The following CD163 variants were observed in gnomAD, a reference collection of about 807,000 sequenced individuals.
CD163 encodes the protein scavenger receptor cysteine-rich type 1 protein M130.
In CD163, 64 loss-of-function variants were observed where a neutral mutation model predicts 129.2. The ratio of observed to expected loss-of-function variants is 0.50; its 90% CI spans 0.41 to 0.61. CD163 has a LOEUF of 0.61. Among genes scored for constraint, CD163 ranks in the 20% least tolerant of loss-of-function variants. The probability of loss-of-function intolerance (pLI) is 0.00; values close to 1 mark genes in which losing one functional copy is unlikely to be tolerated. For synonymous variants in CD163, 446 were observed against 478.5 expected (o/e 0.93, Z 0.89); for missense variants, 1,061 against 1,377.9 (o/e 0.77, Z 3.64).
Position 7,482,748 on chromosome 12 carries a change from G to T in CD163, c.3142C>A (p.Gln1048Lys), listed in dbSNP as rs754235222. Residue 1048 changes from glutamine to lysine, a missense_variant, in exon 14 of 17, where the codon CAG becomes AAG. By Grantham distance (53) the Gln-to-Lys change is moderately conservative (BLOSUM62 1). Transcript: ENST00000432237. ...ATCCCGACTGCAATAAAGGATGACT[G>T]ACGGGATGAGCGACCTAAGTAAAAG... ...QKATTGRSSR[Q>K]SSFIAVGILG... 3 of 1,614,088 alleles carry T rather than the reference G, an allele frequency of 1.9e-6. No individual in the cohort carries two copies. The South Asian group carries it at 3.3e-5, about 18-fold the overall frequency.
intron 6 of CD163, among the ~76,000 whole-genome samples, chr12:7,492,904 G>A (rs145610265): frequency 1.7e-3 from 262 of 152,234 alleles, no homozygotes; most frequent in African/African-American, 5.8e-3. Flanking sequence ...CGGCAAAGAC[G>A]GAATTTAGGT....
At chr12:7,497,754 A>G (rs148370917) in intron 4 of CD163, among the ~76,000 whole-genome samples, 75 of 152,196 alleles carry the variant, frequency 4.9e-4, no homozygotes, top group Non-Finnish European at 9.0e-4. Context: ...CATTCCCACA[A>G]TGTTATTCAT....
In CD163 at chr12:7,485,393, T is replaced by C. The variant is rs952633504; in HGVS notation, c.2482A>G (p.Ser828Gly). ...GCACAGGCCTCTCTGCTGGCTTCAC[T>C]GGTCAGTCTCAGAGACATGAATTCT... is the stretch of plus-strand genomic sequence containing the variant. ...CSEFMSLRLT[S>G]EASREACAGR... Residue 828 changes from serine to glycine, a missense_variant, in exon 11 of 17, where the codon AGT (serine) becomes GGT (glycine). Transcript: ENST00000432237. This position sits in a 1 kb window ranked among gnomAD's most constrained non-coding sequence, Gnocchi z 4.5. 1 of 1,614,076 alleles carries C rather than the reference T, an allele frequency of 6.2e-7. No homozygotes were observed. The highest frequency in any genetic ancestry group is 8.5e-7 in the Non-Finnish European group (1 of 1,179,916).
At chr12:7,501,801 G>C (rs1412358060) in intron 2 of CD163, among the ~76,000 whole-genome samples, 1 of 152,122 alleles carries the variant, frequency 6.6e-6, no homozygotes, top group African/African-American at 2.4e-5. Flanking sequence ...TTATGGGGAT[G>C]AACTTTTTAC....
Position 7,502,580 on chromosome 12 carries a change from G to C in CD163, c.47-16C>G. ...CTTCTGAAGTCTGTGAAAAAGAAAA[G>C]AGGGCAAAAGTAGCATCTTCCCAAA... On this transcript the variant is annotated splice_polypyrimidine_tract_variant and intron_variant, in intron 1 of 16. Transcript: ENST00000432237. The C allele has an allele frequency of 7.5e-7, 1 of 1,328,090 alleles. No individual in the cohort carries two copies. Among genetic ancestry groups the C allele is most frequent in the Non-Finnish European group, 1.1e-6 (1 of 935,480 alleles). The allele number at this position is 1,328,090 out of a possible 1,614,324, so 82.3% of individuals were successfully genotyped here.
intron 16 of CD163, among the ~76,000 whole-genome samples, chr12:7,475,820 T>C (rs1051362968): frequency 6.6e-6 from 1 of 152,198 alleles, no homozygotes; most frequent in Non-Finnish European, 1.5e-5. Context: ...GATGACATAA[T>C]TGTATATTTA....
At chr12:7,491,724 T>C (rs1191832114) in intron 6 of CD163, among the ~76,000 whole-genome samples, 3 of 152,130 alleles carry the variant, frequency 2.0e-5, no homozygotes, top group Non-Finnish European at 4.4e-5. Flanking sequence ...TGAAGAAGTA[T>C]AGATCATCAT....
intron 11 of CD163, among the ~76,000 whole-genome samples, chr12:7,484,235 C>T (rs1949216245): frequency 6.6e-6 from 1 of 151,948 alleles, no homozygotes; most frequent in African/African-American, 2.4e-5. Context: ...CATAATGTGA[C>T]CCAGTAAATG....
Position 7,485,348 on chromosome 12 carries a change from A to G in CD163, c.2527T>C (p.Tyr843His). The change falls in exon 11 of 17, where the codon TAC becomes CAC. Residue 843 changes from tyrosine (Y) to histidine (H), a missense_variant. Transcript: ENST00000432237. This position sits in a 1 kb window ranked among gnomAD's most constrained non-coding sequence, Gnocchi z 4.5. Reference sequence around the variant, plus strand: ...CCAACAGTGCCCCAAGCTCCATTGTAAAAAACTTCCAGACGCCCTGCACAG... The same window carrying G: ...CCAACAGTGCCCCAAGCTCCATTGTGAAAAACTTCCAGACGCCCTGCACAG... ...EACAGRLEVF[Y>H]NGAWGTVGKS... The G allele has an allele frequency of 6.2e-7, 1 of 1,614,214 alleles. No homozygotes were observed. Among genetic ancestry groups the G allele is most frequent in the Non-Finnish European group, 8.5e-7 (1 of 1,180,030 alleles).
chr12:7,481,605 C>G (rs751119904), intron 14 of CD163, among the ~76,000 whole-genome samples: 3 of 152,228 alleles, frequency 2.0e-5, no homozygotes, highest in Admixed American at 2.0e-4. Context: ...TCATTTTTCA[C>G]CTCAACTGTT....
Position 7,501,564 on chromosome 12 carries a change from A to G in CD163, c.134-102T>C, listed in dbSNP as rs1456333848. 4 of 837,036 alleles carry G rather than the reference A, an allele frequency of 4.8e-6. No individual in the cohort carries two copies. The East Asian group carries it at 9.8e-5, about 21-fold the overall frequency. 51.9% of individuals were successfully genotyped at this position (837,036 alleles called of 1,614,324 possible). ...TTTATCCTTCAAACTCAGATTTGAGAACCATCCTAGTCCTATCCATGGTAA... is the reference window on the plus strand; with the variant it reads ...TTTATCCTTCAAACTCAGATTTGAGGACCATCCTAGTCCTATCCATGGTAA... On this transcript the variant is annotated intron_variant, in intron 2 of 16. Coordinates refer to ENST00000432237, the MANE Select transcript of CD163 (RefSeq NM_203416.4).
chr12:7,483,404 C>G lies in CD163; in HGVS notation c.3051G>C (p.Glu1017Asp), dbSNP rs751885503. 3 of 1,614,080 alleles carry G rather than the reference C, an allele frequency of 1.9e-6. No homozygotes were observed. In the Admixed American group the frequency reaches 5.0e-5, roughly 27 times the overall value. ...DCPARRWGHS[E>D]CGHKEDAAVN... The stretch of plus-strand genomic sequence containing the variant: ...CTGCAGCGTCTTCCTTGTGCCCACA[C>G]TCACTATGGCCCCAGCGTCTGGCAG... Residue 1017 changes from glutamate to aspartate, a missense_variant, in exon 12 of 17, where the codon GAG (glutamate) becomes GAC (aspartate). Transcript: ENST00000432237.
rs781435043 is a variant in CD163, at chr12:7,487,924, C to T, written c.1584G>A (p.Leu528=). Residue 528 remains leucine (L), a synonymous_variant, in exon 7 of 17, where the codon CTG becomes CTA. Transcript: ENST00000432237. The surrounding 1 kb of genome is among the most constrained non-coding windows in gnomAD (Gnocchi z 5.1). ...ELQCGTVVSI[L]GGAHFGEGNG... The stretch of plus-strand genomic sequence containing the variant: ...TTCCCTCTCCAAAGTGAGCTCCCCC[C>T]AGGATAGAGACAACTGTGCCACACT... 6 of 1,613,932 alleles carry T rather than the reference C, an allele frequency of 3.7e-6. No homozygotes were observed. The highest frequency in any genetic ancestry group is 3.3e-5 in the Admixed American group (2 of 59,990).
At chr12:7,494,539 C>T (rs1029525449) in intron 6 of CD163, among the ~76,000 whole-genome samples, 2 of 152,076 alleles carry the variant, frequency 1.3e-5, no homozygotes, top group Non-Finnish European at 2.9e-5. Context: ...GTTACATTTA[C>T]TTTAGAGTTA....
chr12:7,475,762 T>G (rs147136332), intron 16 of CD163, among the ~76,000 whole-genome samples: 1 of 152,194 alleles, frequency 6.6e-6, no homozygotes, highest in Non-Finnish European at 1.5e-5. Flanking sequence ...GAGAAAGAAA[T>G]AAAGGGTATT....
At position 7,495,088 on chromosome 12, in the gene CD163, G is replaced by T; in HGVS notation, c.1413C>A (p.Thr471=). 1 of 1,613,236 alleles carries T rather than the reference G, an allele frequency of 6.2e-7. No individual in the cohort carries two copies. The highest frequency in any genetic ancestry group is 8.5e-7 in the Non-Finnish European group (1 of 1,179,206). ...GTTGATTGAAAGTCATACCTGAGCA[G>T]GTAATTTTGGCTTCTTCATAGTGAT... The part of the protein sequence containing the change: ...TCDHYEEAKI[T]CSAHREPRLV... The change falls in exon 6 of 17, where the codon ACC becomes ACA. Residue 471 remains threonine, a synonymous_variant. Transcript: ENST00000432237.
chr12:7,483,297 A>C (rs1949189235), intron 12 of CD163, 70 bp downstream of exon 12: 2 of 1,447,942 alleles, frequency 1.4e-6, no homozygotes, highest in African/African-American at 1.4e-5. Flanking sequence ...TTTTTACACA[A>C]CACACATCAC....
At chr12:7,492,045 AG>A (rs1949333175) in intron 6 of CD163, among the ~76,000 whole-genome samples, 1 of 152,174 alleles carries the variant, frequency 6.6e-6, no homozygotes, top group African/African-American at 2.4e-5. Flanking sequence ...GCACAGAGAC[AG>A]CATATCATCA....
At chr12:7,501,505 G>C (rs375251097) in intron 2 of CD163, 43 bp from the exon 3 acceptor site, 227 of 1,460,532 alleles carry the variant, frequency 1.6e-4, no homozygotes, top group Admixed American at 2.4e-4. Context: ...AGGTCGCAAA[G>C]AGCAAGTAGA....
Sources: gnomAD v4.1 joint callset for allele counts (sites outside exome capture counted in the v4.1 genomes callset) on GRCh38, gnomAD v4.1.1 for gene constraint, Gnocchi (gnomAD v3.1) non-coding constraint, MANE v1.5 for transcripts, NCBI Gene and HGNC (gene_info 2026-07-23, HGNC 2026-07-21) for gene names.